Variants in IRAG2 observed in about 807,000 individuals in gnomAD.
IRAG2 encodes the protein inositol 1,4,5-triphosphate receptor associated 2, also known as lymphoid restricted membrane protein.
A neutral mutation model predicts 69.9 loss-of-function variants in IRAG2; 45 were observed. The ratio of observed to expected loss-of-function variants is 0.64; its 90% CI spans 0.51 to 0.83. The LOEUF is 0.83. Among genes scored for constraint, IRAG2 ranks in the 40% least tolerant of loss-of-function variants. IRAG2 has a pLI of 0.00. For synonymous variants in IRAG2, 193 were observed against 202.4 expected (o/e 0.95, Z 0.40); for missense variants, 520 against 587.0 (o/e 0.89, Z 1.18).
intron 1 of IRAG2, 35 bp from the exon 2 acceptor site, chr12:25,061,557 G>C (rs1313811313): frequency 1.0e-5 from 4 of 398,278 alleles, no homozygotes; most frequent in African/African-American, 8.2e-5. Context: ...AAATTAAAAT[G>C]GTCATATTGA....
the IRAG2 span, among the ~76,000 whole-genome samples, chr12:24,997,902 C>T: frequency 2.0e-5 from 3 of 152,184 alleles, no homozygotes; most frequent in Admixed American, 1.3e-4. Context: ...TGAGATTCCC[C>T]AGATATGTTG....
rs189681182 is a variant in IRAG2 at position 25,057,989 on chromosome 12, C to T, written c.-446-3603C>T. Among the ~76,000 whole-genome samples the T allele has an allele frequency of 1.7e-3, 256 of 152,138 alleles. 4 individuals carry two copies. The highest frequency in any genetic ancestry group is 7.2e-4 in the Non-Finnish European group (49 of 67,994). On this transcript the variant is annotated intron_variant, in intron 1 of 21. Transcript: ENST00000556887. ...AATATTCCAAAATTTGATTGTTTTTCCTGCTGTTATTGGATATCTGCAGTA... is the reference window on the plus strand; with the variant it reads ...AATATTCCAAAATTTGATTGTTTTTTCTGCTGTTATTGGATATCTGCAGTA...
chr12:25,058,633 A>C (rs891841641), intron 1 of IRAG2, among the ~76,000 whole-genome samples: 1 of 152,216 alleles, frequency 6.6e-6, no homozygotes, highest in African/African-American at 2.4e-5. Flanking sequence ...TAACGGCTCT[A>C]ATAATGTTAT....
At chr12:25,106,032 A>G (rs1292381271) in intron 20 of IRAG2, among the ~76,000 whole-genome samples, 1 of 152,088 alleles carries the variant, frequency 6.6e-6, no homozygotes, top group South Asian at 2.1e-4. Flanking sequence ...CAGTCAATCA[A>G]TTGCTATTTC....
At chr12:25,038,288 A>G (rs1349769430) in intron 16 of IRAG2, among the ~76,000 whole-genome samples, 1 of 152,218 alleles carries the variant, frequency 6.6e-6, no homozygotes, top group African/African-American at 2.4e-5. Context: ...GATAATTCTG[A>G]ATTGTAAAAT....
chr12:25,063,103 C>T lies in IRAG2; in HGVS notation c.-304+203C>T, dbSNP rs1945731020. Among the ~76,000 whole-genome samples, 4 of 152,326 alleles carry T rather than the reference C, an allele frequency of 2.6e-5. No individual in the cohort carries two copies. In the South Asian group the frequency reaches 8.3e-4, roughly 32 times the overall value. ...CACAAACCTAGTTGGTCCTTTGTCGCCCAGGCTGGAGTGCAGTGGTGCAAT... is the reference window on the plus strand; with the variant it reads ...CACAAACCTAGTTGGTCCTTTGTCGTCCAGGCTGGAGTGCAGTGGTGCAAT... On this transcript the variant is annotated intron_variant, in intron 3 of 21. Transcript: ENST00000556887.
At chr12:25,083,377 T>G in intron 9 of IRAG2, 46 bp from the exon 10 acceptor site, 1 of 1,217,622 alleles carries the variant, frequency 8.2e-7, no homozygotes, top group Non-Finnish European at 1.2e-6. Context: ...CTCTTTTACT[T>G]GCTCCTGCCC....
At chr12:25,072,141 G>GTTGA (rs1946379092) in intron 6 of IRAG2, among the ~76,000 whole-genome samples, 2 of 152,124 alleles carry the variant, frequency 1.3e-5, no homozygotes, top group South Asian at 4.1e-4. Flanking sequence ...GAAGGAGGAG[G>GTTGA]TTGAGTGAGC....
chr12:25,104,351 C>A lies in IRAG2; in HGVS notation c.1047-10C>A. On this transcript the variant is annotated splice_polypyrimidine_tract_variant and intron_variant, in intron 19 of 21. Coordinates refer to ENST00000556887, the MANE Select transcript of IRAG2 (RefSeq NM_001366544.2). ...TGATTTGACAAGTGGCTATAATCAT[C>A]TTTATTTAGGCGTATTTTGGGGTCA... 1 of 1,561,832 alleles carries A rather than the reference C, an allele frequency of 6.4e-7. No individual in the cohort carries two copies.
At chr12:25,037,082 T>C (rs1474342112) in intron 15 of IRAG2, among the ~76,000 whole-genome samples, 1 of 152,180 alleles carries the variant, frequency 6.6e-6, no homozygotes, top group East Asian at 1.9e-4. Context: ...TCTCAGGAAC[T>C]TGCAGAACAT....
At chr12:25,079,584 T>G in intron 8 of IRAG2, 72 bp from the exon 9 acceptor site, 1 of 1,266,522 alleles carries the variant, frequency 7.9e-7, no homozygotes, top group Non-Finnish European at 1.2e-6. Context: ...TCCTTTTGCA[T>G]AGTATAGTTA....
chr12:25,053,522 C>T lies in IRAG2; in HGVS notation c.-447+566C>T, dbSNP rs138041963. Among the ~76,000 whole-genome samples, 151 of 152,038 alleles carry T rather than the reference C, an allele frequency of 9.9e-4. 1 individual carries two copies. The highest frequency in any genetic ancestry group is 3.4e-3 in the African/African-American group (139 of 41,492). ...GCATTTTAAAAATTGGAATATTTGTCATTTTTCTGTATTACCCAAAAGTAT... is the reference window on the plus strand; with the variant it reads ...GCATTTTAAAAATTGGAATATTTGTTATTTTTCTGTATTACCCAAAAGTAT... On this transcript the variant is annotated intron_variant, in intron 1 of 21. Transcript: ENST00000556887.
chr12:25,042,539 C>T (rs1421553747), intron 16 of IRAG2, among the ~76,000 whole-genome samples: 1 of 152,014 alleles, frequency 6.6e-6, no homozygotes, highest in East Asian at 1.9e-4. Flanking sequence ...TATCTTGGCT[C>T]ACTGCAGCCT....
At chr12:25,031,447 A>C (rs1399125838) in intron 10 of IRAG2, among the ~76,000 whole-genome samples, 1 of 152,180 alleles carries the variant, frequency 6.6e-6, no homozygotes, top group Non-Finnish European at 1.5e-5. Flanking sequence ...GATTTTAAGG[A>C]GGTATCATTA....
chr12:25,020,869 G>A (rs1194713189), exon 7 of IRAG2: 2 of 1,231,812 alleles, frequency 1.6e-6, no homozygotes, highest in Non-Finnish European at 2.0e-6. Flanking sequence ...TGCTTCAGAA[G>A]AGCAGAAGAG....
intron 5 of IRAG2, among the ~76,000 whole-genome samples, chr12:25,067,057 T>C (rs1037639202): frequency 6.6e-6 from 1 of 152,192 alleles, no homozygotes; most frequent in Non-Finnish European, 1.5e-5. Context: ...AAAGACAAAT[T>C]AGACTACCTA....
intron 19 of IRAG2, 66 bp downstream of exon 19, chr12:25,104,124 A>G: frequency 3.7e-6 from 5 of 1,337,520 alleles, no homozygotes; most frequent in South Asian, 1.2e-5. Context: ...AACCTAAATG[A>G]GTGCTCAAAT....
At chr12:25,086,215 G>A (rs1274619122) in intron 10 of IRAG2, among the ~76,000 whole-genome samples, 4 of 152,194 alleles carry the variant, frequency 2.6e-5, no homozygotes. Flanking sequence ...AGTGAAGGTG[G>A]AGAAAAGGAG....
chr12:25,088,797 G>T (rs1947824425), intron 11 of IRAG2, among the ~76,000 whole-genome samples: 1 of 152,066 alleles, frequency 6.6e-6, no homozygotes, highest in African/African-American at 2.4e-5. Context: ...ATAAAATGTG[G>T]ACAATAAAAG....
Sources: gnomAD v4.1 joint callset for allele counts (sites outside exome capture counted in the v4.1 genomes callset) on GRCh38, gnomAD v4.1.1 for gene constraint, MANE v1.5 for transcripts, NCBI Gene and HGNC (gene_info 2026-07-23, HGNC 2026-07-21) for gene names.